SLC13A3: variants seen among roughly 807,000 people sequenced by gnomAD.
SLC13A3 encodes Na(+)/dicarboxylate cotransporter 3.
SLC13A3 carries 40 observed loss-of-function variants against 59.0 expected under a neutral mutation model. That is an observed-to-expected ratio of 0.68 (90% CI 0.53 to 0.88). The LOEUF (loss-of-function observed/expected upper bound fraction) is 0.88, where lower values mean the gene tolerates loss of function less well. SLC13A3 is among the 40% of genes least tolerant of loss of function. SLC13A3 has a pLI of 0.00. For missense variants in SLC13A3, 699 were observed against 783.2 expected (o/e 0.89, Z 1.28); for synonymous variants, 317 against 330.3 (o/e 0.96, Z 0.44).
chr20:46,600,021 G>A lies in SLC13A3; in HGVS notation c.558C>T (p.Asn186=), dbSNP rs1337824117. Residue 186 remains asparagine, a synonymous_variant, in exon 4 of 13, where the codon AAC becomes AAT. Transcript: ENST00000279027. ...TCTCCGTGGGCACAGTGTGTAGGCC[G>A]TTTCTCCGCACAGCAGCTAGGAGGA... ...SEENTAAVRR[N]GLHTVPTEMQ... is the part of the protein sequence containing the mutation. 8.9e-6 allele frequency: 14 copies of A among 1,569,722 alleles called. No homozygotes were observed. Among genetic ancestry groups the A allele is most frequent in the South Asian group, 3.5e-5 (3 of 85,328 alleles).
chr20:46,579,584 A>G (rs981726078), intron 9 of SLC13A3, among the ~76,000 whole-genome samples: 2 of 152,246 alleles, frequency 1.3e-5, no homozygotes, highest in East Asian at 3.8e-4. Context: ...GCCAAAGGAC[A>G]GGCAGTGCTC....
At chr20:46,583,867 A>C in intron 8 of SLC13A3, 198 bp from the exon 9 acceptor site, 1 of 985,398 alleles carries the variant, frequency 1.0e-6, no homozygotes, top group Non-Finnish European at 1.2e-6. Context: ...CCCTGGGGGC[A>C]TTTAGATGCT....
intron 3 of SLC13A3, among the ~76,000 whole-genome samples, chr20:46,603,412 T>C (rs2062400552): frequency 6.6e-6 from 1 of 152,140 alleles, no homozygotes; most frequent in Admixed American, 6.5e-5. Flanking sequence ...TCTCGTTCTG[T>C]TGCCCAGGCT....
rs1367756141 is a variant in SLC13A3 at position 46,566,154 on chromosome 20, G to T, written c.1494+75C>A. 2.3e-6 allele frequency: 3 copies of T among 1,279,620 alleles called. No individual in the cohort carries two copies. The East Asian group carries it at 7.1e-5, about 30-fold the overall frequency. The allele number at this position is 1,279,620 out of a possible 1,614,324, so 79.3% of individuals were successfully genotyped here. On this transcript the variant is annotated intron_variant, in intron 11 of 12. Coordinates refer to ENST00000279027, the MANE Select transcript of SLC13A3 (RefSeq NM_022829.6). Reference sequence around the variant, plus strand: ...ATGGCAACTGTGGCCCCCAGTGAAGGTCCCTTGGCGGGGGAAGATTTCTGA... The same window carrying T: ...ATGGCAACTGTGGCCCCCAGTGAAGTTCCCTTGGCGGGGGAAGATTTCTGA...
chr20:46,594,734 CT>C (rs112750360), intron 5 of SLC13A3, among the ~76,000 whole-genome samples: 1,759 of 142,824 alleles, frequency 0.012, 17 homozygotes, highest in African/African-American at 0.031. Context: ...CCCACAACTT[CT>C]TTTTTTTTTT....
intron 9 of SLC13A3, among the ~76,000 whole-genome samples, chr20:46,579,976 T>A (rs1005206677): frequency 6.6e-6 from 1 of 152,166 alleles, no homozygotes. Flanking sequence ...CACTACTTTT[T>A]TTTTTTTGAG....
intron 5 of SLC13A3, among the ~76,000 whole-genome samples, chr20:46,593,638 G>A (rs2062281782): frequency 6.6e-6 from 1 of 151,780 alleles, no homozygotes; most frequent in African/African-American, 2.4e-5. Context: ...GCAAGTGTGT[G>A]GTCAGTTACA....
chr20:46,613,476 C>T lies in SLC13A3; in HGVS notation c.361G>A (p.Gly121Arg), dbSNP rs1202854928. 6.3e-7 allele frequency: 1 copy of T among 1,597,402 alleles called. No individual in the cohort carries two copies. The highest frequency in any genetic ancestry group is 1.7e-5 in the Admixed American group (1 of 59,244). Reference protein sequence around the residue: ...RIALKILMLVGVQPARLILGM... With the variant: ...RIALKILMLVRVQPARLILGM... The stretch of plus-strand genomic sequence containing the variant: ...TGTTCTTACCTGGCCGGCTGGACTC[C>T]AACAAGCATCAGGATCTTGAGGGCG... Residue 121 changes from glycine to arginine, a missense_variant, in exon 2 of 13, where the codon GGA (glycine) becomes AGA (arginine). Coordinates refer to ENST00000279027, the MANE Select transcript of SLC13A3 (RefSeq NM_022829.6).
At chr20:46,611,426 G>A (rs1255106046) in intron 2 of SLC13A3, among the ~76,000 whole-genome samples, 3 of 152,108 alleles carry the variant, frequency 2.0e-5, no homozygotes, top group Admixed American at 6.5e-5. Context: ...ACCATGATGT[G>A]CCCCTTGGAG....
intron 1 of SLC13A3, among the ~76,000 whole-genome samples, chr20:46,637,757 G>A (rs1448218090): frequency 6.6e-6 from 1 of 152,178 alleles, no homozygotes. Context: ...GAGGCACAGA[G>A]AGGCTAAGTA....
chr20:46,628,824 G>A (rs962341135), intron 1 of SLC13A3, among the ~76,000 whole-genome samples: 1 of 152,230 alleles, frequency 6.6e-6, no homozygotes, highest in African/African-American at 2.4e-5. Context: ...AGCAGATATG[G>A]AACATCTCCA....
chr20:46,677,184 C>A (rs2063131142), intron 1 of SLC13A3, among the ~76,000 whole-genome samples: 2 of 152,286 alleles, frequency 1.3e-5, no homozygotes, highest in South Asian at 4.2e-4. Context: ...AAAGTGCTGG[C>A]ATTACAAGCA....
chr20:46,645,312 T>A (rs2062883502), intron 1 of SLC13A3, among the ~76,000 whole-genome samples: 1 of 152,226 alleles, frequency 6.6e-6, no homozygotes. Flanking sequence ...AAGTCCCTTT[T>A]TTCCATAGAA....
chr20:46,662,281 G>C (rs1049316765), intron 1 of SLC13A3, among the ~76,000 whole-genome samples: 4 of 152,132 alleles, frequency 2.6e-5, no homozygotes, highest in African/African-American at 9.7e-5. Context: ...GTTAGAGTGG[G>C]AGCAACAGTC....
chr20:46,600,309 AAGAG>A (rs1453946094), intron 3 of SLC13A3, among the ~76,000 whole-genome samples: 8 of 88,380 alleles, frequency 9.1e-5, no homozygotes, highest in African/African-American at 4.8e-4. Context: ...GAAAGAAAGA[AAGAG>A]GGAAGGAAGG....
At chr20:46,575,249 G>A (rs2062063680) in intron 10 of SLC13A3, among the ~76,000 whole-genome samples, 1 of 152,204 alleles carries the variant, frequency 6.6e-6, no homozygotes, top group Admixed American at 6.5e-5. Context: ...GTTGAACAGT[G>A]TCTGGCATTG....
At chr20:46,587,484 T>A (rs2122660778) in intron 8 of SLC13A3, among the ~76,000 whole-genome samples, 1 of 152,306 alleles carries the variant, frequency 6.6e-6, no homozygotes, top group East Asian at 1.9e-4. Context: ...GCTTTTCTCA[T>A]TTTCTCAAAC....
intron 9 of SLC13A3, among the ~76,000 whole-genome samples, chr20:46,579,411 C>T (rs908094665): frequency 3.3e-5 from 5 of 152,200 alleles, no homozygotes; most frequent in Non-Finnish European, 7.3e-5. Context: ...AGGTGTGAGC[C>T]ACCACACCTG....
chr20:46,604,085 A>G (rs1005238924), intron 3 of SLC13A3, among the ~76,000 whole-genome samples: 8 of 152,172 alleles, frequency 5.3e-5, no homozygotes, highest in African/African-American at 1.9e-4. Context: ...AGAAGAAAAC[A>G]GAGCATAGGG....
Sources: allele counts gnomAD v4.1 joint callset (sites outside exome capture counted in the v4.1 genomes callset), GRCh38; gene constraint gnomAD v4.1.1; transcripts MANE v1.5; gene names NCBI Gene and HGNC (gene_info 2026-07-23, HGNC 2026-07-21).